SCN8A: variants seen among roughly 807,000 people sequenced by gnomAD.
SCN8A encodes the protein sodium voltage-gated channel alpha subunit 8.
Under a neutral mutation model 184.1 loss-of-function variants are expected in SCN8A, and 30 were observed. That is an observed-to-expected ratio of 0.16 (90% CI 0.12 to 0.22). The LOEUF is 0.22. Ranked by LOEUF, SCN8A falls within the 10% of genes least tolerant of loss-of-function variation. The pLI is 1.00. For synonymous variants in SCN8A, 852 were observed against 907.0 expected, an observed-to-expected ratio of 0.94 and a Z score of 1.09; for missense variants, 1,057 against 2,498.9, an observed-to-expected ratio of 0.42 and a Z score of 12.30.
rs1401901824 is a variant in SCN8A at position 51,812,349 on chromosome 12, CCT to C, written c.*4925_*4926del. The C allele has an allele frequency of 3.1e-5, 5 of 159,372 alleles. No homozygotes were observed. The highest frequency in any genetic ancestry group is 1.2e-4 in the African/African-American group (5 of 41,596). 9.9% of individuals were successfully genotyped at this position (159,372 alleles called of 1,614,324 possible). ...GTGTGGCCTTGGGCAAGTCACTTAA[CCT>C]CTCTGTGCCTCAGTTTCCCCATCTG... On this transcript the variant is annotated 3_prime_UTR_variant, in exon 27 of 27. Coordinates refer to ENST00000627620, the MANE Select transcript of SCN8A (RefSeq NM_001330260.2).
At chr12:51,606,498 G>A (rs1240763226) in intron 1 of SCN8A, among the ~76,000 whole-genome samples, 1 of 152,162 alleles carries the variant, frequency 6.6e-6, no homozygotes, top group Non-Finnish European at 1.5e-5. Context: ...TGGCCTTATA[G>A]TATAGTTTGA....
Position 51,662,874 on chromosome 12 carries a change from T to G in SCN8A, c.57T>G (p.Pro19=). ...CTGATAGTTTCAAGCCTTTCACCCC[T>G]GAGTCACTGGCAAACATTGAGAGGC... ...PGPDSFKPFT[P]ESLANIERRI... The change falls in exon 2 of 27, where the codon CCT becomes CCG. Residue 19 remains proline, a synonymous_variant. Coordinates refer to ENST00000627620, the MANE Select transcript of SCN8A (RefSeq NM_001330260.2). 6.2e-7 allele frequency: 1 copy of G among 1,613,974 alleles called. No homozygotes were observed. The highest frequency in any genetic ancestry group is 1.1e-5 in the South Asian group (1 of 91,082).
At chr12:51,646,306 G>C (rs561327696) in intron 1 of SCN8A, among the ~76,000 whole-genome samples, 1 of 152,200 alleles carries the variant, frequency 6.6e-6, no homozygotes, top group African/African-American at 2.4e-5. Flanking sequence ...TATTTCAGGC[G>C]TTGTGGGCCA....
intron 1 of SCN8A, among the ~76,000 whole-genome samples, chr12:51,650,814 TACACA>T (rs1490687315): frequency 6.6e-6 from 1 of 152,106 alleles, no homozygotes; most frequent in African/African-American, 2.4e-5. Context: ...ATTAAAGACA[TACACA>T]CAGAAATATA....
intron 1 of SCN8A, among the ~76,000 whole-genome samples, chr12:51,591,895 C>G (rs1939228875): frequency 3.9e-5 from 6 of 152,124 alleles, no homozygotes; most frequent in Admixed American, 3.9e-4. Flanking sequence ...AGCCAGCACT[C>G]CCGACTCCCT....
Position 51,789,098 on chromosome 12 carries a change from G to A in SCN8A, c.4282-183G>A, listed in dbSNP as rs572728780. On this transcript the variant is annotated intron_variant, in intron 23 of 26. Transcript: ENST00000627620. ...ATGTTCTCCACATGAGTCAGAGGAC[G>A]ACTAGTGTCCTCTCAAGGCAGGCCA... Among the ~76,000 whole-genome samples the A allele has an allele frequency of 5.3e-5, 8 of 152,242 alleles. No individual in the cohort carries two copies. The East Asian group carries it at 1.2e-3, about 22-fold the overall frequency.
chr12:51,763,377 G>A (rs1942791309), intron 15 of SCN8A, among the ~76,000 whole-genome samples: 1 of 152,166 alleles, frequency 6.6e-6, no homozygotes, highest in Non-Finnish European at 1.5e-5. Flanking sequence ...AACTGTAGGC[G>A]AATGTAAGTG....
chr12:51,760,576 A>C (rs1942747814), intron 14 of SCN8A, among the ~76,000 whole-genome samples: 1 of 152,238 alleles, frequency 6.6e-6, no homozygotes, highest in African/African-American at 2.4e-5. Context: ...GTCTCTACTT[A>C]GTGTGTGTTA....
chr12:51,640,212 G>GTT (rs57362371), intron 1 of SCN8A, among the ~76,000 whole-genome samples: 1 of 34,776 alleles, frequency 2.9e-5, no homozygotes, highest in Non-Finnish European at 5.0e-5. Context: ...TGCCTGGCCT[G>GTT]TTTTTTTTTT....
intron 2 of SCN8A, among the ~76,000 whole-genome samples, chr12:51,667,196 C>A (rs1365372370): frequency 6.6e-6 from 1 of 152,162 alleles, no homozygotes; most frequent in Admixed American, 6.5e-5. Flanking sequence ...TATCTCCCTG[C>A]ACAGGCAACC....
intron 1 of SCN8A, among the ~76,000 whole-genome samples, chr12:51,627,668 A>C (rs1033861315): frequency 6.6e-6 from 1 of 152,190 alleles, no homozygotes; most frequent in Admixed American, 6.5e-5. Flanking sequence ...GGCATGAGCC[A>C]TTGTGCCCAG....
Position 51,706,422 on chromosome 12 carries a change from G to A in SCN8A, c.1342G>A (p.Ala448Thr). 2 of 1,572,614 alleles carry A rather than the reference G, an allele frequency of 1.3e-6. No individual in the cohort carries two copies. The highest frequency in any genetic ancestry group is 1.2e-5 in the South Asian group (1 of 82,752). Residue 448 changes from alanine to threonine, a missense_variant and splice_region_variant, in exon 11 of 27, where the codon GCT (alanine) becomes ACT (threonine). Ala to Thr is a moderately conservative substitution (Grantham distance 58). Transcript: ENST00000627620. The stretch of plus-strand genomic sequence containing the variant: ...TTCCCTGCTGTGGCTTCTTTCCTAG[G>A]CTGCTGCGATGGCCACTTCAGCAGG... ...QLKKQQEEAQ[A>T]AAMATSAGTV...
chr12:51,594,536 T>C (rs1283909189), intron 1 of SCN8A, among the ~76,000 whole-genome samples: 2 of 152,232 alleles, frequency 1.3e-5, no homozygotes, highest in African/African-American at 4.8e-5. Flanking sequence ...AGGCACATGC[T>C]TGAATTAATG....
At chr12:51,746,757 T>G (rs186175847) in intron 13 of SCN8A, among the ~76,000 whole-genome samples, 30 of 152,274 alleles carry the variant, frequency 2.0e-4, no homozygotes, top group African/African-American at 7.2e-4. Flanking sequence ...TAGGCCACAG[T>G]CCCCCTAGCA....
chr12:51,652,400 T>C (rs1369375145), intron 1 of SCN8A, among the ~76,000 whole-genome samples: 1 of 152,204 alleles, frequency 6.6e-6, no homozygotes, highest in Non-Finnish European at 1.5e-5. Context: ...CCTCGTCTCA[T>C]TCTATACACT....
chr12:51,770,769 G>C, intron 19 of SCN8A, 86 bp downstream of exon 19: 2 of 1,410,122 alleles, frequency 1.4e-6, no homozygotes, highest in Non-Finnish European at 9.9e-7. Flanking sequence ...CCAAAGCCCA[G>C]TGGCTCTGAA....
At chr12:51,627,066 G>A (rs1940094772) in intron 1 of SCN8A, among the ~76,000 whole-genome samples, 1 of 152,244 alleles carries the variant, frequency 6.6e-6, no homozygotes, top group East Asian at 1.9e-4. Context: ...TGTATGTGTG[G>A]CTGAAGGAGT....
chr12:51,761,640 C>A (rs1302798636), intron 14 of SCN8A, among the ~76,000 whole-genome samples: 1 of 151,866 alleles, frequency 6.6e-6, no homozygotes, highest in East Asian at 1.9e-4. Context: ...AGGCGCCCAC[C>A]ACCACGCCCA....
At chr12:51,650,506 C>CTT (rs71092715) in intron 1 of SCN8A, among the ~76,000 whole-genome samples, 17 of 101,046 alleles carry the variant, frequency 1.7e-4, no homozygotes, top group South Asian at 6.3e-4. Context: ...AAAAGGCACT[C>CTT]TTTTTTTTTT....
Sources: gnomAD v4.1 joint callset for allele counts (sites outside exome capture counted in the v4.1 genomes callset) on GRCh38, gnomAD v4.1.1 for gene constraint, MANE v1.5 for transcripts, NCBI Gene and HGNC (gene_info 2026-07-23, HGNC 2026-07-21) for gene names.